Variants in FHIT observed in about 807,000 individuals in gnomAD.
FHIT encodes the protein bis(5'-adenosyl)-triphosphatase.
In FHIT, 19 loss-of-function variants were observed where a neutral mutation model predicts 17.9. That is an observed-to-expected ratio of 1.06 (90% CI 0.74 to 1.56). FHIT has a LOEUF of 1.56. FHIT is among the 40% of genes most tolerant of loss of function. FHIT has a pLI of 0.00. For synonymous variants in FHIT, 81 were observed against 69.7 expected (o/e 1.16, Z -0.81); for missense variants, 248 against 189.2 (o/e 1.31, Z -1.82).
intron 7 of FHIT, among the ~76,000 whole-genome samples, chr3:59,961,740 C>T (rs768169635): frequency 1.3e-4 from 20 of 152,234 alleles, no homozygotes; most frequent in Non-Finnish European, 2.6e-4. Flanking sequence ...CTGTGGGCTG[C>T]ACCCACTGTC....
intron 2 of FHIT, among the ~76,000 whole-genome samples, chr3:61,154,526 T>C (rs1001156204): frequency 3.3e-5 from 5 of 152,186 alleles, no homozygotes; most frequent in African/African-American, 1.2e-4. Context: ...AGACCTGCAA[T>C]GCATTTGCTA....
intron 4 of FHIT, among the ~76,000 whole-genome samples, chr3:60,669,402 A>T (rs2040460016): frequency 6.6e-6 from 1 of 152,200 alleles, no homozygotes. Flanking sequence ...TTCTGCTTTC[A>T]GCAGATGGGA....
chr3:60,339,914 A>C (rs771549334), intron 5 of FHIT, among the ~76,000 whole-genome samples: 4 of 152,042 alleles, frequency 2.6e-5, no homozygotes, highest in Non-Finnish European at 5.9e-5. Context: ...TAGAATCTTT[A>C]TTTCCAAAAG....
intron 3 of FHIT, among the ~76,000 whole-genome samples, chr3:60,895,202 C>A (rs1705730366): frequency 6.6e-6 from 1 of 152,144 alleles, no homozygotes; most frequent in African/African-American, 2.4e-5. Context: ...CTATGCTGGT[C>A]TGACTGTTAT....
At chr3:60,103,477 G>T (rs1216519766) in intron 5 of FHIT, among the ~76,000 whole-genome samples, 2 of 152,190 alleles carry the variant, frequency 1.3e-5, no homozygotes, top group Non-Finnish European at 2.9e-5. Flanking sequence ...GTGAAGAAAT[G>T]ACAGGATAAA....
intron 4 of FHIT, among the ~76,000 whole-genome samples, chr3:60,789,142 A>ATGTG (rs1553727792): frequency 2.3e-5 from 3 of 129,364 alleles, no homozygotes; most frequent in African/African-American, 9.9e-5. Flanking sequence ...ATAGAGAGAG[A>ATGTG]TGTGTGTGTG....
At chr3:60,306,304 C>G (rs1054724862) in intron 5 of FHIT, among the ~76,000 whole-genome samples, 1 of 152,126 alleles carries the variant, frequency 6.6e-6, no homozygotes, top group African/African-American at 2.4e-5. Flanking sequence ...ACATATCTCC[C>G]CTAAGTCAAT....
intron 2 of FHIT, among the ~76,000 whole-genome samples, chr3:61,109,384 A>G (rs75353913): frequency 0.078 from 11,882 of 152,256 alleles, 563 homozygotes; most frequent in Middle Eastern, 0.17. Context: ...TGTCCAATGG[A>G]ACATGGCTGT....
intron 5 of FHIT, among the ~76,000 whole-genome samples, chr3:60,336,661 C>T (rs1444166857): frequency 6.6e-6 from 1 of 152,146 alleles, no homozygotes; most frequent in African/African-American, 2.4e-5. Context: ...TTCAGGTCCT[C>T]ATTGTCCATG....
At chr3:61,029,741 G>A (rs2032920024) in intron 3 of FHIT, among the ~76,000 whole-genome samples, 1 of 152,076 alleles carries the variant, frequency 6.6e-6, no homozygotes, top group South Asian at 2.1e-4. Context: ...GGTCTTTTGG[G>A]CCTACCAACT....
intron 5 of FHIT, among the ~76,000 whole-genome samples, chr3:60,251,634 TTG>T (rs752776566): frequency 6.6e-6 from 1 of 152,100 alleles, no homozygotes; most frequent in African/African-American, 2.4e-5. Context: ...TCCATGCATG[TTG>T]TGTGTGTGTA....
rs1576836204 is a variant in FHIT at position 60,538,048 on chromosome 3, T to C, written c.-17-1069A>G. On this transcript the variant is annotated intron_variant, in intron 4 of 9. Coordinates refer to ENST00000492590, the MANE Select transcript of FHIT (RefSeq NM_002012.4). Reference sequence around the variant, plus strand: ...AACTCCAAAGTGATGTCTTTTTGTATGCTAATGATTGACTGGTGTCTAGCA... The same window carrying C: ...AACTCCAAAGTGATGTCTTTTTGTACGCTAATGATTGACTGGTGTCTAGCA... Among the ~76,000 whole-genome samples, 7 of 152,310 alleles carry C rather than the reference T, an allele frequency of 4.6e-5. 1 individual carries two copies. The highest frequency in any genetic ancestry group is 4.6e-4 in the Admixed American group (7 of 15,292).
At chr3:60,193,067 A>G (rs1272331981) in intron 5 of FHIT, among the ~76,000 whole-genome samples, 3 of 152,216 alleles carry the variant, frequency 2.0e-5, no homozygotes, top group Admixed American at 6.5e-5. Context: ...ACCAGACTGC[A>G]CTCAGAAAAA....
At chr3:59,986,518 T>TACACACACAC (rs1421652731) in intron 7 of FHIT, among the ~76,000 whole-genome samples, 1 of 49,898 alleles carries the variant, frequency 2.0e-5, no homozygotes, top group African/African-American at 1.2e-4. Flanking sequence ...TATATATATA[T>TACACACACAC]ATATATATAT....
At chr3:60,396,478 C>T (rs1001083905) in intron 5 of FHIT, among the ~76,000 whole-genome samples, 3 of 152,070 alleles carry the variant, frequency 2.0e-5, no homozygotes, top group South Asian at 2.1e-4. Flanking sequence ...ATTGCCAAGG[C>T]CATTTTTGAT....
chr3:60,891,431 GA>G (rs1436703905), intron 3 of FHIT, among the ~76,000 whole-genome samples: 1 of 152,074 alleles, frequency 6.6e-6, no homozygotes, highest in African/African-American at 2.4e-5. Context: ...AATACTATTG[GA>G]AATGAGAAAC....
chr3:60,460,791 G>T (rs1005395616), intron 5 of FHIT, among the ~76,000 whole-genome samples: 2 of 152,164 alleles, frequency 1.3e-5, no homozygotes, highest in Non-Finnish European at 2.9e-5. Flanking sequence ...TAAAATAGAT[G>T]CAGGCTGGAA....
intron 5 of FHIT, among the ~76,000 whole-genome samples, chr3:60,499,172 G>T (rs1277880259): frequency 6.6e-6 from 1 of 152,152 alleles, no homozygotes; most frequent in Non-Finnish European, 1.5e-5. Flanking sequence ...GGGGCTGGGG[G>T]ATGGTGAATA....
chr3:60,377,215 T>C (rs930260073), intron 5 of FHIT, among the ~76,000 whole-genome samples: 1 of 151,916 alleles, frequency 6.6e-6, no homozygotes, highest in African/African-American at 2.4e-5. Flanking sequence ...TTTTTTTTTT[T>C]TTTTTAATGG....
Sources: allele counts gnomAD v4.1 joint callset (sites outside exome capture counted in the v4.1 genomes callset), GRCh38; gene constraint gnomAD v4.1.1; transcripts MANE v1.5; gene names NCBI Gene and HGNC (gene_info 2026-07-23, HGNC 2026-07-21).